PDIA5: variants seen among roughly 807,000 people sequenced by gnomAD.
The protein encoded by PDIA5 is protein disulfide isomerase family A member 5, also known as protein disulfide-isomerase A5.
A neutral mutation model predicts 77.6 loss-of-function variants in PDIA5; 58 were observed. The observed-to-expected ratio is 0.75, with a 90% CI of 0.61 to 0.93. PDIA5 has a LOEUF of 0.93. Ranked by LOEUF, PDIA5 falls within the 40% of genes least tolerant of loss-of-function variation. The probability of loss-of-function intolerance (pLI) is 0.00; values close to 1 mark genes in which losing one functional copy is unlikely to be tolerated. For missense variants in PDIA5, 630 were observed against 647.7 expected (o/e 0.97, Z 0.30); for synonymous variants, 250 against 252.1 (o/e 0.99, Z 0.08).
chr3:123,131,304 C>G (rs567084342), intron 11 of PDIA5, among the ~76,000 whole-genome samples: 21 of 151,974 alleles, frequency 1.4e-4, no homozygotes, highest in African/African-American at 5.1e-4. Context: ...CCTATAATCC[C>G]AGTTACTTGG....
chr3:123,155,738 T>A (rs916923941), intron 15 of PDIA5, among the ~76,000 whole-genome samples: 4 of 152,154 alleles, frequency 2.6e-5, no homozygotes, highest in Admixed American at 6.5e-5. Flanking sequence ...TGAGACTCAG[T>A]CATGGGAACC....
chr3:123,150,446 C>T, intron 14 of PDIA5, 82 bp downstream of exon 14: 2 of 1,405,232 alleles, frequency 1.4e-6, no homozygotes, highest in South Asian at 2.8e-5. Context: ...ACACCCACCC[C>T]AGGGACCAAG....
chr3:123,072,314 C>T (rs916975144), intron 1 of PDIA5, among the ~76,000 whole-genome samples: 6 of 152,200 alleles, frequency 3.9e-5, no homozygotes, highest in African/African-American at 1.4e-4. Context: ...TGATATCCAT[C>T]TTGCAGTGTT....
intron 11 of PDIA5, among the ~76,000 whole-genome samples, chr3:123,141,099 C>T (rs1223069953): frequency 4.6e-5 from 7 of 152,196 alleles, no homozygotes; most frequent in Non-Finnish European, 1.0e-4. Context: ...AGTGAATTCT[C>T]ATCTTCAGGA....
intron 13 of PDIA5, among the ~76,000 whole-genome samples, 153 bp downstream of exon 13, chr3:123,146,412 C>T (rs1425849215): frequency 1.3e-5 from 2 of 152,176 alleles, no homozygotes; most frequent in South Asian, 2.1e-4. Flanking sequence ...CTAAAACCAC[C>T]GTTCATATGC....
chr3:123,139,635 G>T (rs2107975245), intron 11 of PDIA5, among the ~76,000 whole-genome samples: 1 of 152,280 alleles, frequency 6.6e-6, no homozygotes, highest in South Asian at 2.1e-4. Flanking sequence ...GGGGAGGAGA[G>T]GAGAGGGGAT....
intron 8 of PDIA5, among the ~76,000 whole-genome samples, chr3:123,117,951 A>G (rs2667461): frequency 0.26 from 40,226 of 152,150 alleles, 6,449 homozygotes; most frequent in African/African-American, 0.46. Context: ...AAAGGTTATC[A>G]AGAGGAGCCA....
intron 1 of PDIA5, among the ~76,000 whole-genome samples, chr3:123,078,622 C>G (rs1260772464): frequency 6.6e-6 from 1 of 152,018 alleles, no homozygotes; most frequent in Non-Finnish European, 1.5e-5. Context: ...TCAGTATTTC[C>G]TAAAACACAA....
chr3:123,151,781 TGGCCTG>T (rs1935904602), intron 14 of PDIA5, among the ~76,000 whole-genome samples: 3 of 76,924 alleles, frequency 3.9e-5, no homozygotes, highest in South Asian at 4.5e-4. Context: ...CCTGCCTGCC[TGGCCTG>T]CCTTCCTGCC....
intron 3 of PDIA5, among the ~76,000 whole-genome samples, chr3:123,099,845 C>G (rs1934535480): frequency 6.6e-6 from 1 of 152,276 alleles, no homozygotes; most frequent in Non-Finnish European, 1.5e-5. Flanking sequence ...GTGATAGTCA[C>G]AGGCAGAGGC....
At chr3:123,136,749 AG>A (rs1236609033) in intron 11 of PDIA5, among the ~76,000 whole-genome samples, 6 of 127,106 alleles carry the variant, frequency 4.7e-5, no homozygotes, top group South Asian at 2.4e-4. Context: ...AAAAAAAAAA[AG>A]GGGGTTGGGT....
In PDIA5 at chr3:123,151,934, T is replaced by A. The variant is rs1368634088; in HGVS notation, c.1273+1570T>A. The stretch of plus-strand genomic sequence containing the variant: ...CTTCCTGCCTTCCTTCCTTCCTGCC[T>A]TCCTTCCTGCCTGCCTTCCTTCCTG... On this transcript the variant is annotated intron_variant, in intron 14 of 16. Coordinates refer to ENST00000316218, the MANE Select transcript of PDIA5 (RefSeq NM_006810.4). Among the ~76,000 whole-genome samples, 7 of 144,600 alleles carry A rather than the reference T, an allele frequency of 4.8e-5. No individual in the cohort carries two copies. The East Asian group carries it at 1.5e-3, about 30-fold the overall frequency. The allele number at this position is 144,600 out of a possible 152,430, so 94.9% of individuals were successfully genotyped here.
At chr3:123,078,501 C>T (rs1275824211) in intron 1 of PDIA5, among the ~76,000 whole-genome samples, 1 of 151,830 alleles carries the variant, frequency 6.6e-6, no homozygotes, top group Non-Finnish European at 1.5e-5. Flanking sequence ...TTGTTATATG[C>T]CCTTTATCTC....
In PDIA5 at chr3:123,112,441, C is replaced by T. The variant is rs117126059; in HGVS notation, c.541+1437C>T. Among the ~76,000 whole-genome samples the T allele has an allele frequency of 2.2e-3, 339 of 152,168 alleles. 12 individuals carry two copies. In the East Asian group the frequency reaches 0.061, roughly 27 times the overall value. ...TCTGTGCCCTGGGGATGACGCCCCCCAGCCGGATGCCCCTCTGTGGCATTC... is the reference window on the plus strand; with the variant it reads ...TCTGTGCCCTGGGGATGACGCCCCCTAGCCGGATGCCCCTCTGTGGCATTC... On this transcript the variant is annotated intron_variant, in intron 7 of 16. Transcript: ENST00000316218.
intron 1 of PDIA5, among the ~76,000 whole-genome samples, chr3:123,080,207 A>G (rs1933964420): frequency 6.6e-6 from 1 of 152,100 alleles, no homozygotes; most frequent in Admixed American, 6.5e-5. Flanking sequence ...TGATATGGGT[A>G]TGGTGTAGGA....
In PDIA5 at chr3:123,110,933, T is replaced by G. The variant is rs923275241; in HGVS notation, c.481-11T>G. 6 of 1,612,042 alleles carry G rather than the reference T, an allele frequency of 3.7e-6. No individual in the cohort carries two copies. Among genetic ancestry groups the G allele is most frequent in the Non-Finnish European group, 5.1e-6 (6 of 1,178,278 alleles). ...TGTGCGAGCTGCTGGTATTCTCTTT[T>G]TGTGCCTCAGGACTTCAGACGGCTC... is the stretch of plus-strand genomic sequence containing the variant. On this transcript the variant is annotated splice_polypyrimidine_tract_variant and intron_variant, in intron 6 of 16. Transcript: ENST00000316218.
intron 16 of PDIA5, 32 bp downstream of exon 16, chr3:123,161,487 C>G (rs768372502): frequency 6.2e-6 from 10 of 1,604,214 alleles, no homozygotes; most frequent in Non-Finnish European, 8.5e-6. Flanking sequence ...GCCCAGAGCT[C>G]TCTCTCTGCT....
chr3:123,074,317 A>G (rs1454000720), intron 1 of PDIA5, among the ~76,000 whole-genome samples: 1 of 152,204 alleles, frequency 6.6e-6, no homozygotes, highest in Non-Finnish European at 1.5e-5. Flanking sequence ...TGCTGGAAAG[A>G]GAAAGTGTTA....
chr3:123,093,208 T>C lies in PDIA5; in HGVS notation c.257+766T>C, dbSNP rs375387920. Among the ~76,000 whole-genome samples the C allele has an allele frequency of 2.6e-5, 4 of 152,258 alleles. No homozygotes were observed. In the East Asian group the frequency reaches 5.8e-4, roughly 22 times the overall value. ...GGAGATTCATATTTTGACAAAGCAC[T>C]GAGTGAAACTAGGATAATAAGTCTT... On this transcript the variant is annotated intron_variant, in intron 3 of 16. Coordinates refer to ENST00000316218, the MANE Select transcript of PDIA5 (RefSeq NM_006810.4).
Sources: allele counts gnomAD v4.1 joint callset (sites outside exome capture counted in the v4.1 genomes callset), GRCh38; gene constraint gnomAD v4.1.1; transcripts MANE v1.5; gene names NCBI Gene and HGNC (gene_info 2026-07-23, HGNC 2026-07-21).